AP3B1: variants seen among roughly 807,000 people sequenced by gnomAD.
The protein encoded by AP3B1 is adaptor related protein complex 3 subunit beta 1.
AP3B1 carries 61 observed loss-of-function variants against 132.5 expected under a neutral mutation model. That is an observed-to-expected ratio of 0.46 (90% confidence interval 0.37 to 0.57). The LOEUF (loss-of-function observed/expected upper bound fraction) is 0.57, where lower values mean the gene tolerates loss of function less well. Ranked by LOEUF, AP3B1 falls within the 20% of genes least tolerant of loss-of-function variation. The pLI, the probability that AP3B1 is intolerant of heterozygous loss-of-function variation, is 0.00. For synonymous variants in AP3B1, 388 were observed against 438.3 expected (o/e 0.89, Z 1.43); for missense variants, 1,120 against 1,289.4 (o/e 0.87, Z 2.01).
chr5:78,047,060 C>T (rs951419153), intron 22 of AP3B1, among the ~76,000 whole-genome samples: 1 of 152,154 alleles, frequency 6.6e-6, no homozygotes, highest in African/African-American at 2.4e-5. Context: ...CATAGTATTC[C>T]ATGGTGTATG....
At chr5:78,125,820 ATAATATGTTATATT>A (rs1409778650) in intron 17 of AP3B1, among the ~76,000 whole-genome samples, 14 of 152,334 alleles carry the variant, frequency 9.2e-5, no homozygotes, top group African/African-American at 3.4e-4. Context: ...TGAAACGAAC[ATAATATGTTATATT>A]TAAGTACTGT....
chr5:78,171,860 A>T (rs1743932400), intron 11 of AP3B1, among the ~76,000 whole-genome samples: 1 of 152,174 alleles, frequency 6.6e-6, no homozygotes, highest in South Asian at 2.1e-4. Context: ...ATTCAGTATG[A>T]TATTGGCAGT....
In AP3B1 at chr5:78,232,785, C is replaced by G. The variant is rs548116496; in HGVS notation, c.280-4546G>C. 1.4e-4 allele frequency among the ~76,000 whole-genome samples: 22 copies of G among 152,218 alleles called. No individual in the cohort carries two copies. The South Asian group carries it at 1.9e-3, about 13-fold the overall frequency. On this transcript the variant is annotated intron_variant, in intron 3 of 26. Transcript: ENST00000255194. ...GCAGTGGCACAATCTCGGCTCACTG[C>G]AGCCTCTGCCTCCTGGGTTCAAATG...
Position 78,128,048 on chromosome 5 carries a change from A to G in AP3B1, c.1950T>C (p.Asn650=). The G allele has an allele frequency of 6.2e-7, 1 of 1,613,110 alleles. No homozygotes were observed. Among genetic ancestry groups the G allele is most frequent in the East Asian group, 2.2e-5 (1 of 44,846 alleles). ...AACTTACCAACTCTATTACTTCTAC[A>G]TTTCGAACTGATGGGTCGGGCGCCA... The part of the protein sequence containing the change: ...PEVAPDPSVR[N]VEVIELAKEW... The change falls in exon 17 of 27, where the codon AAT becomes AAC. Residue 650 remains asparagine (N), a synonymous_variant. Coordinates refer to ENST00000255194, the MANE Select transcript of AP3B1 (RefSeq NM_003664.5).
chr5:78,052,991 G>A (rs985752735), intron 22 of AP3B1, among the ~76,000 whole-genome samples: 1 of 152,148 alleles, frequency 6.6e-6, no homozygotes, highest in Non-Finnish European at 1.5e-5. Context: ...TCAGTAACTG[G>A]TTATAACAAA....
chr5:78,288,357 A>T (rs897977796), intron 1 of AP3B1, among the ~76,000 whole-genome samples: 3 of 152,228 alleles, frequency 2.0e-5, no homozygotes, highest in African/African-American at 7.2e-5. Context: ...TTATGGTGAA[A>T]ACACAGAGGA....
chr5:78,004,722 G>A (rs1315094673), intron 26 of AP3B1, among the ~76,000 whole-genome samples: 2 of 152,152 alleles, frequency 1.3e-5, no homozygotes, highest in African/African-American at 4.8e-5. Flanking sequence ...AATCTTCCTA[G>A]GCATTTGCTT....
chr5:78,068,885 G>C (rs570402548), intron 22 of AP3B1, among the ~76,000 whole-genome samples: 3 of 152,034 alleles, frequency 2.0e-5, no homozygotes, highest in African/African-American at 7.2e-5. Context: ...AAATCCAGCA[G>C]CACGTCAGAA....
At chr5:78,274,391 G>A (rs1748683620) in intron 1 of AP3B1, among the ~76,000 whole-genome samples, 1 of 150,688 alleles carries the variant, frequency 6.6e-6, no homozygotes. Flanking sequence ...GAGCATCAGA[G>A]GCATATGAGA....
chr5:78,240,615 C>G (rs555966123), intron 3 of AP3B1, among the ~76,000 whole-genome samples: 11 of 152,268 alleles, frequency 7.2e-5, no homozygotes, highest in African/African-American at 2.6e-4. Flanking sequence ...GGTGAAAACT[C>G]GACAACTTAC....
chr5:78,056,007 C>T (rs1446784805), intron 22 of AP3B1, among the ~76,000 whole-genome samples: 3 of 152,078 alleles, frequency 2.0e-5, no homozygotes, highest in African/African-American at 7.2e-5. Context: ...TCTTTACTTC[C>T]TCAGGATTAT....
chr5:78,029,490 A>C (rs987530382), intron 24 of AP3B1, among the ~76,000 whole-genome samples: 1 of 150,636 alleles, frequency 6.6e-6, no homozygotes. Context: ...GCATATGTTA[A>C]ATTTTGTTTT....
At chr5:78,174,012 T>A (rs1744036878) in intron 11 of AP3B1, among the ~76,000 whole-genome samples, 1 of 152,220 alleles carries the variant, frequency 6.6e-6, no homozygotes, top group Non-Finnish European at 1.5e-5. Flanking sequence ...AAAGCTCTCG[T>A]GCCACAGTTT....
In AP3B1 at chr5:78,216,082, C is replaced by T. The variant is rs766625558; in HGVS notation, c.759G>A (p.Arg253=). Residue 253 remains arginine, a synonymous_variant, in exon 7 of 27, where the codon CGG becomes CGA. Transcript: ENST00000255194. ...CTTTCCAAGGGCTGACAAACTGTGT[C>T]CGAGCATATCGAGTTAGCATGTGGA... ...VIIHMLTRYA[R]TQFVSPWKEG... is the part of the protein sequence containing the mutation. 1.7e-5 allele frequency: 28 copies of T among 1,613,888 alleles called. 1 individual carries two copies. In the South Asian group the frequency reaches 3.1e-4, roughly 18 times the overall value.
chr5:78,231,276 C>T (rs1252149571), intron 3 of AP3B1, among the ~76,000 whole-genome samples: 5 of 152,012 alleles, frequency 3.3e-5, no homozygotes, highest in Non-Finnish European at 5.9e-5. Flanking sequence ...CAGGTTCAAG[C>T]GATTCTCCTG....
At chr5:78,125,801 T>C (rs1752430494) in intron 17 of AP3B1, among the ~76,000 whole-genome samples, 1 of 152,188 alleles carries the variant, frequency 6.6e-6, no homozygotes, top group South Asian at 2.1e-4. Context: ...CTCTGTTGAA[T>C]TGGACAGGTG....
intron 22 of AP3B1, among the ~76,000 whole-genome samples, chr5:78,053,447 C>T (rs961002233): frequency 1.1e-4 from 16 of 152,002 alleles, no homozygotes; most frequent in East Asian, 3.9e-4. Flanking sequence ...TTTGGGAGAC[C>T]GAGGCCGGTG....
rs545096942 is a variant in AP3B1 at position 78,213,120 on chromosome 5, A to C, written c.786+2935T>G. On this transcript the variant is annotated intron_variant, in intron 7 of 26. Transcript: ENST00000255194. ...GGTCTTGATCTCCTGACCTCGTGAT[A>C]AGCCCGCCTCAGCCTCCCAAAGTGC... is the stretch of plus-strand genomic sequence containing the variant. 7.5e-3 allele frequency among the ~76,000 whole-genome samples: 1,133 copies of C among 151,862 alleles called. 4 individuals are homozygous for C. The highest frequency in any genetic ancestry group is 0.011 in the Non-Finnish European group (780 of 67,944).
At chr5:78,030,745 T>G (rs1444823577) in intron 24 of AP3B1, among the ~76,000 whole-genome samples, 1 of 152,170 alleles carries the variant, frequency 6.6e-6, no homozygotes, top group Non-Finnish European at 1.5e-5. Flanking sequence ...GGTGCAATCA[T>G]AGCTCACTGG....
Sources: allele counts gnomAD v4.1 joint callset (sites outside exome capture counted in the v4.1 genomes callset), GRCh38; gene constraint gnomAD v4.1.1; transcripts MANE v1.5; gene names NCBI Gene and HGNC (gene_info 2026-07-23, HGNC 2026-07-21).